The following EEA1 variants were observed in gnomAD, a reference collection of about 807,000 sequenced individuals.
EEA1 encodes the protein early endosome antigen 1.
EEA1 carries 111 observed loss-of-function variants against 209.2 expected under a neutral mutation model. The ratio of observed to expected loss-of-function variants is 0.53; its 90% CI spans 0.45 to 0.62. The LOEUF (loss-of-function observed/expected upper bound fraction) is 0.62. Among genes scored for constraint, EEA1 ranks in the 20% least tolerant of loss-of-function variants. EEA1 has a pLI of 0.00. For missense variants in EEA1, 1,343 were observed against 1,530.8 expected (o/e 0.88, Z 2.05); for synonymous variants, 536 against 540.6 (o/e 0.99, Z 0.12).
At chr12:92,889,915 A>C (rs1879593098) in intron 2 of EEA1, among the ~76,000 whole-genome samples, 1 of 152,196 alleles carries the variant, frequency 6.6e-6, no homozygotes, top group South Asian at 2.1e-4. Context: ...CTCTGTCTCA[A>C]AAAAAAGAAA....
chr12:92,926,818 C>A (rs1226616558), intron 1 of EEA1, among the ~76,000 whole-genome samples: 1 of 152,116 alleles, frequency 6.6e-6, no homozygotes, highest in Non-Finnish European at 1.5e-5. Flanking sequence ...AATATGCCCC[C>A]GTCCCTGAAG....
chr12:92,804,674 T>A (rs1236105317), intron 18 of EEA1, among the ~76,000 whole-genome samples: 1 of 150,428 alleles, frequency 6.6e-6, no homozygotes, highest in East Asian at 1.9e-4. Flanking sequence ...AAAGAAGGAA[T>A]CACAAAGGAA....
chr12:92,816,503 GT>G, intron 14 of EEA1, 103 bp from the exon 15 acceptor site: 1 of 1,052,760 alleles, frequency 9.5e-7, no homozygotes. Flanking sequence ...CTTTATGATA[GT>G]TTATCTCAAA....
At chr12:92,889,737 A>AAAAAC (rs945833606) in intron 2 of EEA1, among the ~76,000 whole-genome samples, 12 of 152,126 alleles carry the variant, frequency 7.9e-5, no homozygotes, top group South Asian at 2.1e-4. Flanking sequence ...CGTCTCTACT[A>AAAAAC]AAAACAAAAC....
rs574792462 is a variant in EEA1, at chr12:92,826,683, C to T, written c.1405-398G>A. ...TGAGCCGAGATTGCGCCACTGCACT[C>T]CAGCCTGGGTGACAGAAAGAGACTC... On this transcript the variant is annotated intron_variant, in intron 12 of 28. Coordinates refer to ENST00000322349, the MANE Select transcript of EEA1 (RefSeq NM_003566.4). Among the ~76,000 whole-genome samples the T allele has an allele frequency of 5.4e-5, 8 of 148,866 alleles. No homozygotes were observed. The South Asian group carries it at 1.7e-3, about 32-fold the overall frequency.
At chr12:92,884,360 G>A in intron 2 of EEA1, 2 of 1,245,964 alleles carry the variant, frequency 1.6e-6, no homozygotes, top group Non-Finnish European at 2.3e-6. Flanking sequence ...AGGCTGAAGT[G>A]GTTCTAGAAA....
chr12:92,826,397 T>G, intron 12 of EEA1, 112 bp from the exon 13 acceptor site: 2 of 961,880 alleles, frequency 2.1e-6, no homozygotes, highest in Middle Eastern at 3.7e-4. Context: ...AATTCAGGAA[T>G]ATATAAGATA....
Position 92,813,086 on chromosome 12 carries a change from G to A in EEA1, c.1937C>T (p.Ala646Val). 1 of 1,574,400 alleles carries A rather than the reference G, an allele frequency of 6.4e-7. No individual in the cohort carries two copies. Among genetic ancestry groups the A allele is most frequent in the South Asian group, 1.2e-5 (1 of 84,924 alleles). Residue 646 changes from alanine (A) to valine (V), a missense_variant, in exon 16 of 29, where the codon GCC (alanine) becomes GTC (valine). Transcript: ENST00000322349. Reference protein sequence around the residue: ...KVSQLDIQIKAKTELLLSAEA... With the variant: ...KVSQLDIQIKVKTELLLSAEA... ...TGCTGATAGTAATAGTTCGGTTTTGGCTTTAATCTGTAACAGCATTTACAA... is the reference window on the plus strand; with the variant it reads ...TGCTGATAGTAATAGTTCGGTTTTGACTTTAATCTGTAACAGCATTTACAA...
chr12:92,849,262 T>G (rs73217894), intron 9 of EEA1, among the ~76,000 whole-genome samples: 39,024 of 151,620 alleles, frequency 0.26, 5,470 homozygotes, highest in Non-Finnish European at 0.32. Flanking sequence ...GGGAGTGTAT[T>G]TTTTTTTAAT....
At chr12:92,798,828 A>G in intron 21 of EEA1, 64 bp downstream of exon 21, 1 of 1,288,734 alleles carries the variant, frequency 7.8e-7, no homozygotes, top group East Asian at 2.4e-5. Flanking sequence ...TGTATTAATC[A>G]TCATACTATT....
intron 3 of EEA1, among the ~76,000 whole-genome samples, chr12:92,862,509 T>C (rs184133464): frequency 1.3e-5 from 2 of 152,092 alleles, no homozygotes; most frequent in Non-Finnish European, 2.9e-5. Flanking sequence ...GGCACGAGGA[T>C]TACTTGAGAC....
At chr12:92,778,224 T>C in intron 25 of EEA1, 45 bp from the exon 26 acceptor site, 1 of 1,476,120 alleles carries the variant, frequency 6.8e-7, no homozygotes, top group South Asian at 1.2e-5. Flanking sequence ...ACAAAAGTAG[T>C]GCAAAATAAA....
At chr12:92,851,019 C>A in intron 9 of EEA1, 92 bp downstream of exon 9, 1 of 1,193,068 alleles carries the variant, frequency 8.4e-7, no homozygotes, top group Admixed American at 2.6e-5. Flanking sequence ...TTTGATAGGC[C>A]ACTCAGAAAA....
At chr12:92,830,242 G>A (rs1876564417) in intron 11 of EEA1, among the ~76,000 whole-genome samples, 1 of 151,998 alleles carries the variant, frequency 6.6e-6, no homozygotes. Context: ...GTGTCACAGG[G>A]GTTTGGTGTA....
intron 2 of EEA1, among the ~76,000 whole-genome samples, chr12:92,873,422 A>C (rs1313012087): frequency 2.0e-5 from 3 of 152,246 alleles, no homozygotes; most frequent in Non-Finnish European, 4.4e-5. Context: ...ATTATAGTAA[A>C]GAATGGGGAG....
chr12:92,778,763 C>G (rs1028475387), intron 25 of EEA1, among the ~76,000 whole-genome samples: 2 of 152,058 alleles, frequency 1.3e-5, no homozygotes, highest in Admixed American at 1.3e-4. Flanking sequence ...TCCGCTCCCC[C>G]TTATCAACAT....
intron 23 of EEA1, 40 bp from the exon 24 acceptor site, chr12:92,780,451 A>AAT: frequency 7.6e-7 from 1 of 1,317,580 alleles, no homozygotes; most frequent in Non-Finnish European, 1.0e-6. Context: ...TTTTAAAGCA[A>AAT]ATACTTAAAT....
chr12:92,916,022 A>G (rs1181790877), intron 1 of EEA1, among the ~76,000 whole-genome samples: 2 of 152,210 alleles, frequency 1.3e-5, no homozygotes, highest in Non-Finnish European at 2.9e-5. Context: ...GAGTTTACAT[A>G]TATCATACAA....
At chr12:92,841,670 A>G (rs965113152) in intron 10 of EEA1, among the ~76,000 whole-genome samples, 20 of 152,212 alleles carry the variant, frequency 1.3e-4, no homozygotes, top group African/African-American at 4.6e-4. Flanking sequence ...CAAAGCCACA[A>G]TGAGATACCA....
Sources: allele counts gnomAD v4.1 joint callset (sites outside exome capture counted in the v4.1 genomes callset), GRCh38; gene constraint gnomAD v4.1.1; transcripts MANE v1.5; gene names NCBI Gene and HGNC (gene_info 2026-07-23, HGNC 2026-07-21).